Variants in STARD13 observed in about 807,000 individuals in gnomAD.
The protein encoded by STARD13 is stAR-related lipid transfer protein 13.
STARD13 carries 62 observed loss-of-function variants against 106.4 expected under a neutral mutation model. The observed-to-expected ratio is 0.58, with a 90% confidence interval of 0.48 to 0.72. STARD13 has a LOEUF of 0.72. STARD13 is among the 30% of genes least tolerant of loss of function. STARD13 has a pLI of 0.00. For missense variants in STARD13, 1,387 were observed against 1,424.0 expected (o/e 0.97, Z 0.42); for synonymous variants, 565 against 553.0 (o/e 1.02, Z -0.31).
At chr13:33,543,494 T>G in the STARD13 span, among the ~76,000 whole-genome samples, 1 of 147,830 alleles carries the variant, frequency 6.8e-6, no homozygotes, top group Admixed American at 6.8e-5. Context: ...GTTCTTTTTT[T>G]CCTGTAATCT....
the STARD13 span, chr13:33,511,246 G>C: frequency 1.3e-5 from 2 of 152,054 alleles, no homozygotes; most frequent in African/African-American, 4.8e-5. Context: ...CTGGGGGGTG[G>C]AGGTTGCAGT....
chr13:33,217,607 C>A (rs1888118826), intron 1 of STARD13, among the ~76,000 whole-genome samples: 1 of 152,160 alleles, frequency 6.6e-6, no homozygotes, highest in African/African-American at 2.4e-5. Context: ...CTTAGCGCTG[C>A]ATGAGCTCAC....
intron 1 of STARD13, among the ~76,000 whole-genome samples, chr13:33,184,976 A>T (rs1436906368): frequency 6.6e-6 from 1 of 152,244 alleles, no homozygotes; most frequent in Non-Finnish European, 1.5e-5. Flanking sequence ...TTCAAATTTG[A>T]GGAAAATCTA....
At chr13:33,117,542 T>A in intron 8 of STARD13, 1 of 840,908 alleles carries the variant, frequency 1.2e-6, no homozygotes, top group Non-Finnish European at 1.4e-6. Context: ...TTAAAAAAAA[T>A]CCAAGTGAAA....
the STARD13 span, chr13:33,611,119 T>G: frequency 3.3e-5 from 5 of 152,346 alleles, no homozygotes; most frequent in East Asian, 9.6e-4. Context: ...TGACGTGGCT[T>G]TCCTGCCTTA....
intron 1 of STARD13, among the ~76,000 whole-genome samples, chr13:33,223,744 C>G (rs1374596827): frequency 6.6e-6 from 1 of 152,010 alleles, no homozygotes; most frequent in Non-Finnish European, 1.5e-5. Context: ...AATCCTGCCT[C>G]TATCTTGTAA....
At chr13:33,480,566 G>A in the STARD13 span, among the ~76,000 whole-genome samples, 1 of 152,032 alleles carries the variant, frequency 6.6e-6, no homozygotes, top group Non-Finnish European at 1.5e-5. Flanking sequence ...TGAGAACCAG[G>A]ATTATCACTA....
At chr13:33,509,982 C>T in the STARD13 span, among the ~76,000 whole-genome samples, 1 of 152,172 alleles carries the variant, frequency 6.6e-6, no homozygotes, top group Non-Finnish European at 1.5e-5. Context: ...AAAGAACTCC[C>T]TCCACTGCCA....
intron 4 of STARD13, among the ~76,000 whole-genome samples, chr13:33,131,248 C>T (rs983716007): frequency 2.0e-5 from 3 of 152,146 alleles, no homozygotes; most frequent in Non-Finnish European, 4.4e-5. Context: ...AAGCACATCA[C>T]CAAGACCTAA....
At chr13:33,400,893 G>T in the STARD13 span, among the ~76,000 whole-genome samples, 248 of 152,134 alleles carry the variant, frequency 1.6e-3, no homozygotes, top group African/African-American at 5.8e-3. Flanking sequence ...TTTAAAAAAA[G>T]ATCTACAAGC....
the STARD13 span, among the ~76,000 whole-genome samples, chr13:33,417,773 G>A: frequency 1.1e-4 from 17 of 152,232 alleles, 1 homozygote; most frequent in Admixed American, 9.8e-4. Flanking sequence ...GGTAAGACTG[G>A]GGGGGAAATG....
At chr13:33,376,091 A>G in the STARD13 span, among the ~76,000 whole-genome samples, 1 of 151,906 alleles carries the variant, frequency 6.6e-6, no homozygotes, top group Non-Finnish European at 1.5e-5. Flanking sequence ...TACTTAAACC[A>G]TATTACTTAA....
chr13:33,564,221 A>AG, the STARD13 span, among the ~76,000 whole-genome samples: 2 of 142,282 alleles, frequency 1.4e-5, no homozygotes, highest in African/African-American at 5.2e-5. Flanking sequence ...AAAAAAAAAA[A>AG]AAAAAAGAAA....
chr13:33,212,838 T>C (rs548430642), intron 1 of STARD13, among the ~76,000 whole-genome samples: 1 of 152,354 alleles, frequency 6.6e-6, no homozygotes, highest in South Asian at 2.1e-4. Flanking sequence ...ATTGCCTTTC[T>C]TTTTCTGAGA....
At chr13:33,480,267 A>G in the STARD13 span, among the ~76,000 whole-genome samples, 2 of 152,328 alleles carry the variant, frequency 1.3e-5, no homozygotes, top group South Asian at 2.1e-4. Context: ...TTTGTATTAC[A>G]TATTTGAGTT....
At chr13:33,279,813 T>C (rs559851052) in intron 1 of STARD13, 2 of 152,372 alleles carry the variant, frequency 1.3e-5, no homozygotes, top group South Asian at 4.1e-4. Context: ...TAGTAATTTT[T>C]AAAATGTTAG....
chr13:33,493,952 C>T, the STARD13 span, among the ~76,000 whole-genome samples: 3 of 152,144 alleles, frequency 2.0e-5, no homozygotes, highest in South Asian at 2.1e-4. Context: ...AGACCGTAAA[C>T]GACTTGGTGC....
At chr13:33,230,818 T>G (rs1420188461) in intron 1 of STARD13, among the ~76,000 whole-genome samples, 2 of 152,228 alleles carry the variant, frequency 1.3e-5, no homozygotes, top group African/African-American at 4.8e-5. Flanking sequence ...ATGTGCAAAG[T>G]GCCAGCGAGG....
At chr13:33,137,545 GAAGGA>G (rs1329913301) in intron 4 of STARD13, among the ~76,000 whole-genome samples, 2 of 152,216 alleles carry the variant, frequency 1.3e-5, no homozygotes, top group African/African-American at 4.8e-5. Flanking sequence ...GGCCAGATTA[GAAGGA>G]ATCAGCTCCT....
Sources: allele counts gnomAD v4.1 joint callset (sites outside exome capture counted in the v4.1 genomes callset), GRCh38; gene constraint gnomAD v4.1.1; transcripts MANE v1.5; gene names NCBI Gene and HGNC (gene_info 2026-07-23, HGNC 2026-07-21).